Variants in EIF3G observed in about 807,000 individuals in gnomAD.
EIF3G encodes eukaryotic translation initiation factor 3 RNA-binding subunit.
Under a neutral mutation model 41.7 loss-of-function variants are expected in EIF3G, and 10 were observed. The ratio of observed to expected loss-of-function variants is 0.24; its 90% confidence interval spans 0.15 to 0.41. The LOEUF (loss-of-function observed/expected upper bound fraction) is 0.41. EIF3G is among the 10% of genes least tolerant of loss of function. The probability of loss-of-function intolerance (pLI) is 1.00; values close to 1 mark genes in which losing one functional copy is unlikely to be tolerated. For missense variants in EIF3G, 297 were observed against 444.0 expected (o/e 0.67, Z 2.98); for synonymous variants, 204 against 172.5 (o/e 1.18, Z -1.43).
chr19:10,115,649 TCA>T, intron 9 of EIF3G, 33 bp downstream of exon 9: 2 of 1,605,912 alleles, frequency 1.2e-6, no homozygotes, highest in Non-Finnish European at 1.7e-6. Context: ...CAAGTGACCC[TCA>T]CACAGCCCCA....
Position 10,116,411 on chromosome 19 carries a change from G to C in EIF3G, c.596-337C>G. ...CGCCCAGGTCCCCCTCGCGTGGCAGGCGACAAGTGCACGTCTGCACTCTCA... is the reference window on the plus strand; with the variant it reads ...CGCCCAGGTCCCCCTCGCGTGGCAGCCGACAAGTGCACGTCTGCACTCTCA... On this transcript the variant is annotated intron_variant, in intron 7 of 10. Coordinates refer to ENST00000253108, the MANE Select transcript of EIF3G (RefSeq NM_003755.5). The surrounding 1 kb of genome is among the most constrained non-coding windows in gnomAD (Gnocchi z 4.1). 2.0e-6 allele frequency: 1 copy of C among 499,808 alleles called. No individual in the cohort carries two copies. The highest frequency in any genetic ancestry group is 2.4e-5 in the South Asian group (1 of 42,000). The allele number at this position is 499,808 out of a possible 1,614,324, so 31.0% of individuals were successfully genotyped here.
In EIF3G at chr19:10,116,179, G is replaced by C; in HGVS notation, c.596-105C>G. 1 of 1,195,648 alleles carries C rather than the reference G, an allele frequency of 8.4e-7. No homozygotes were observed. Among genetic ancestry groups the C allele is most frequent in the Non-Finnish European group, 1.2e-6 (1 of 852,506 alleles). The allele number at this position is 1,195,648 out of a possible 1,614,324, so 74.1% of individuals were successfully genotyped here. A position where few individuals can be genotyped will look rare whatever the true frequency, so the allele number is the denominator to read the frequency against. On this transcript the variant is annotated intron_variant, in intron 7 of 10. Transcript: ENST00000253108. This position sits in a 1 kb window ranked among gnomAD's most constrained non-coding sequence, Gnocchi z 4.1. ...TCAGTGTTGAGCCAGCGCAGGCACTGTGTGCCAAACCACAGGCAGCCAGTT... is the reference window on the plus strand; with the variant it reads ...TCAGTGTTGAGCCAGCGCAGGCACTCTGTGCCAAACCACAGGCAGCCAGTT...
At chr19:10,115,384 G>C (rs2089224535) in intron 10 of EIF3G, 95 bp downstream of exon 10, 18 of 1,402,602 alleles carry the variant, frequency 1.3e-5, no homozygotes, top group Non-Finnish European at 1.8e-5. Flanking sequence ...CCGGGGGACT[G>C]TTAAATTGGC....
Position 10,116,093 on chromosome 19 carries a change from T to A in EIF3G, c.596-19A>T. On this transcript the variant is annotated intron_variant, in intron 7 of 10. Coordinates refer to ENST00000253108, the MANE Select transcript of EIF3G (RefSeq NM_003755.5). This position sits in a 1 kb window ranked among gnomAD's most constrained non-coding sequence, Gnocchi z 4.1. Reference sequence around the variant, plus strand: ...TCTAGCTCTGGGGACCAAAAGACAGTCAAGTTCAACCTCACTGTGGCGCAG... The same window carrying A: ...TCTAGCTCTGGGGACCAAAAGACAGACAAGTTCAACCTCACTGTGGCGCAG... The A allele has an allele frequency of 6.2e-7, 1 of 1,611,290 alleles. No individual in the cohort carries two copies. Among genetic ancestry groups the A allele is most frequent in the Non-Finnish European group, 8.5e-7 (1 of 1,178,478 alleles).
Position 10,116,521 on chromosome 19 carries a change from C to G in EIF3G, c.595+279G>C, listed in dbSNP as rs1196875697. The G allele has an allele frequency of 1.9e-6, 1 of 515,872 alleles. No individual in the cohort carries two copies. The highest frequency in any genetic ancestry group is 3.5e-6 in the Non-Finnish European group (1 of 288,606). 32.0% of individuals were successfully genotyped at this position (515,872 alleles called of 1,614,324 possible). A position where few individuals can be genotyped will look rare whatever the true frequency, so the allele number is the denominator to read the frequency against. ...GGAGACACTATACACACAGTGCGCA[C>G]ACACGATGTGGGGTGGTCAGCACCC... is the stretch of plus-strand genomic sequence containing the variant. On this transcript the variant is annotated intron_variant, in intron 7 of 10. Transcript: ENST00000253108. The surrounding 1 kb of genome is among the most constrained non-coding windows in gnomAD (Gnocchi z 4.1).
chr19:10,118,647 C>T (rs759261052), intron 5 of EIF3G, 21 bp downstream of exon 5: 1 of 1,614,048 alleles, frequency 6.2e-7, no homozygotes, highest in Non-Finnish European at 8.5e-7. Flanking sequence ...CTAGGTTAGC[C>T]CTGGGGAAGA....
chr19:10,115,618 C>G (rs1458438047), intron 9 of EIF3G, 33 bp from the exon 10 acceptor site: 9 of 1,611,922 alleles, frequency 5.6e-6, no homozygotes, highest in Non-Finnish European at 6.8e-6. Flanking sequence ...CGGGCACGAG[C>G]TAGGACAGGC....
Position 10,119,874 on chromosome 19 carries a change from T to A in EIF3G, c.-15A>T, listed in dbSNP as rs111962472. 1.2e-6 allele frequency: 2 copies of A among 1,613,676 alleles called. No homozygotes were observed. The highest frequency in any genetic ancestry group is 1.3e-5 in the African/African-American group (1 of 74,864). On this transcript the variant is annotated 5_prime_UTR_variant, in exon 1 of 11. Transcript: ENST00000253108. ...CCAGTAGGCATCGCAAAAAGTATTC[T>A]CCACGCAGCCCAAGCCCGGCCAGAG...
In EIF3G at chr19:10,116,717, C is replaced by T. The variant is rs184659279; in HGVS notation, c.595+83G>A. The T allele has an allele frequency of 1.5e-4, 203 of 1,394,242 alleles. No individual in the cohort carries two copies. In the East Asian group the frequency reaches 4.6e-3, roughly 31 times the overall value. 86.4% of individuals were successfully genotyped at this position (1,394,242 alleles called of 1,614,324 possible). On this transcript the variant is annotated intron_variant, in intron 7 of 10. Coordinates refer to ENST00000253108, the MANE Select transcript of EIF3G (RefSeq NM_003755.5). This position sits in a 1 kb window ranked among gnomAD's most constrained non-coding sequence, Gnocchi z 4.1. ...GTCTGGCACCATCAAACCCGCTGCA[C>T]TGTCGTGCGGGAGATGACAGCACGA...
rs770016640 is a variant in EIF3G, at chr19:10,115,598, G to A, written c.841-13C>T. The A allele has an allele frequency of 3.3e-5, 53 of 1,612,210 alleles. No homozygotes were observed. The African/African-American group carries it at 3.6e-4, about 11-fold the overall frequency. On this transcript the variant is annotated splice_polypyrimidine_tract_variant and intron_variant, in intron 9 of 10. Transcript: ENST00000253108. ...TGAAGGCAAAGCCCTGTGGAGGGGC[G>A]GGATGGGGTCGGGCACGAGCTAGGA...
In EIF3G at chr19:10,116,121, G is replaced by T; in HGVS notation, c.596-47C>A. 4 of 1,575,972 alleles carry T rather than the reference G, an allele frequency of 2.5e-6. No individual in the cohort carries two copies. Among genetic ancestry groups the T allele is most frequent in the Non-Finnish European group, 3.5e-6 (4 of 1,153,358 alleles). The stretch of plus-strand genomic sequence containing the variant: ...AGTTCAACCTCACTGTGGCGCAGGC[G>T]TGGGGACAGAGCCGCCCCAGGAAGC... On this transcript the variant is annotated intron_variant, in intron 7 of 10. Coordinates refer to ENST00000253108, the MANE Select transcript of EIF3G (RefSeq NM_003755.5). The surrounding 1 kb of genome is among the most constrained non-coding windows in gnomAD (Gnocchi z 4.1).
intron 5 of EIF3G, 173 bp from the exon 6 acceptor site, chr19:10,117,361 C>T (rs2089268727): frequency 5.2e-6 from 3 of 581,984 alleles, no homozygotes; most frequent in East Asian, 2.9e-5. Flanking sequence ...CCTGAGTACA[C>T]GCCAGGCCTG....
intron 5 of EIF3G, 76 bp downstream of exon 5, chr19:10,118,592 C>T (rs1427365414): frequency 2.7e-6 from 4 of 1,454,840 alleles, no homozygotes; most frequent in Admixed American, 1.8e-5. Flanking sequence ...AGAGTTAAGC[C>T]CCATCTCTAA....
intron 4 of EIF3G, 50 bp from the exon 5 acceptor site, chr19:10,118,777 CT>C: frequency 6.2e-7 from 1 of 1,611,322 alleles, no homozygotes. Context: ...AAGGGATCTC[CT>C]TTATCAACCT....
Position 10,116,198 on chromosome 19 carries a change from G to T in EIF3G, c.596-124C>A. 2.1e-6 allele frequency: 2 copies of T among 933,434 alleles called. No homozygotes were observed. Among genetic ancestry groups the T allele is most frequent in the Middle Eastern group, 2.2e-4 (1 of 4,510 alleles). 57.8% of individuals were successfully genotyped at this position (933,434 alleles called of 1,614,324 possible). On this transcript the variant is annotated intron_variant, in intron 7 of 10. Transcript: ENST00000253108. This position sits in a 1 kb window ranked among gnomAD's most constrained non-coding sequence, Gnocchi z 4.1. ...GGCACTGTGTGCCAAACCACAGGCA[G>T]CCAGTTGGCCACGAGGACACCAAGG...
chr19:10,119,081 C>A lies in EIF3G; in HGVS notation c.151+7G>T. ...TCCTCACTCACCTCCCGGCAGTCCT[C>A]ACTCACCTCCCGGCAGTAGCTCTGG... is the stretch of plus-strand genomic sequence containing the variant. On this transcript the variant is annotated splice_region_variant and intron_variant, in intron 3 of 10. Transcript: ENST00000253108. The A allele has an allele frequency of 1.0e-6, 1 of 988,684 alleles. No individual in the cohort carries two copies. Among genetic ancestry groups the A allele is most frequent in the Non-Finnish European group, 1.5e-6 (1 of 688,948 alleles). The allele number at this position is 988,684 out of a possible 1,614,324, so 61.2% of individuals were successfully genotyped here.
rs565885942 is a variant in EIF3G at position 10,119,752 on chromosome 19, C to A, written c.21-52G>T. 6.2e-6 allele frequency: 10 copies of A among 1,613,108 alleles called. No individual in the cohort carries two copies. In the Admixed American group the frequency reaches 1.7e-4, roughly 27 times the overall value. ...AAGATTAAGTCAGCCAGGCCCGGCT[C>A]CCGCAGCCTCGGCGTACCCAGGCCC... On this transcript the variant is annotated intron_variant, in intron 1 of 10. Transcript: ENST00000253108.
chr19:10,119,529 A>C, intron 2 of EIF3G, 125 bp downstream of exon 2: 2 of 1,285,414 alleles, frequency 1.6e-6, no homozygotes, highest in Non-Finnish European at 2.2e-6. Context: ...GGTCCCAAGG[A>C]GGATGGCGCG....
Position 10,116,181 on chromosome 19 carries a change from G to A in EIF3G, c.596-107C>T. 1 of 1,151,342 alleles carries A rather than the reference G, an allele frequency of 8.7e-7. No homozygotes were observed. Among genetic ancestry groups the A allele is most frequent in the Non-Finnish European group, 1.2e-6 (1 of 815,862 alleles). The allele number at this position is 1,151,342 out of a possible 1,614,324, so 71.3% of individuals were successfully genotyped here. A position where few individuals can be genotyped will look rare whatever the true frequency, so the allele number is the denominator to read the frequency against. On this transcript the variant is annotated intron_variant, in intron 7 of 10. Transcript: ENST00000253108. The surrounding 1 kb of genome is among the most constrained non-coding windows in gnomAD (Gnocchi z 4.1). Reference sequence around the variant, plus strand: ...AGTGTTGAGCCAGCGCAGGCACTGTGTGCCAAACCACAGGCAGCCAGTTGG... The same window carrying A: ...AGTGTTGAGCCAGCGCAGGCACTGTATGCCAAACCACAGGCAGCCAGTTGG...
Sources: gnomAD v4.1 joint callset for allele counts on GRCh38, gnomAD v4.1.1 for gene constraint, Gnocchi (gnomAD v3.1) non-coding constraint, MANE v1.5 for transcripts, NCBI Gene and HGNC (gene_info 2026-07-23, HGNC 2026-07-21) for gene names.